C2CD2: variants seen among roughly 807,000 people sequenced by gnomAD.
C2CD2 encodes the protein C2 domain-containing protein 2.
A neutral mutation model predicts 74.3 loss-of-function variants in C2CD2; 43 were observed. That is an observed-to-expected ratio of 0.58 (90% CI 0.45 to 0.75). The LOEUF is 0.75. Ranked by LOEUF, C2CD2 falls within the 30% of genes least tolerant of loss-of-function variation. The probability of loss-of-function intolerance (pLI) is 0.00; values close to 1 mark genes in which losing one functional copy is unlikely to be tolerated. For missense variants in C2CD2, 801 were observed against 916.3 expected (o/e 0.87, Z 1.63); for synonymous variants, 422 against 390.7 (o/e 1.08, Z -0.94).
chr21:41,953,281 G>A, intron 1 of C2CD2, 89 bp downstream of exon 1: 2 of 852,740 alleles, frequency 2.3e-6, no homozygotes, highest in Non-Finnish European at 1.7e-6. Context: ...CTGGGTCAGG[G>A]GCTGCAGCGA....
rs2065241178 is a variant in C2CD2, at chr21:41,929,036, G to A, written c.379-6951C>T. 6.6e-6 allele frequency among the ~76,000 whole-genome samples: 1 copy of A among 151,382 alleles called. No individual in the cohort carries two copies. The highest frequency in any genetic ancestry group is 1.5e-5 in the Non-Finnish European group (1 of 67,944). Reference sequence around the variant, plus strand: ...AGGCCAAGGCAAGAGGATCACTTGAGTCCATGAGTTTAAAATGAGCCTGGG... The same window carrying A: ...AGGCCAAGGCAAGAGGATCACTTGAATCCATGAGTTTAAAATGAGCCTGGG... On this transcript the variant is annotated intron_variant, in intron 2 of 13. Transcript: ENST00000380486. The surrounding 1 kb of genome is among the most constrained non-coding windows in gnomAD (Gnocchi z 4.6).
In C2CD2 at chr21:41,889,050, A is replaced by T. The variant is rs1482842135; in HGVS notation, c.*74T>A. 19 of 1,087,168 alleles carry T rather than the reference A, an allele frequency of 1.7e-5. No homozygotes were observed. Among genetic ancestry groups the T allele is most frequent in the Non-Finnish European group, 2.7e-5 (19 of 711,834 alleles). The allele number at this position is 1,087,168 out of a possible 1,614,324, so 67.3% of individuals were successfully genotyped here. Reference sequence around the variant, plus strand: ...CGGGGCATCTGGACATCCGGCGGACACACTGGCTGCGTCCTGGTGAGGGTA... The same window carrying T: ...CGGGGCATCTGGACATCCGGCGGACTCACTGGCTGCGTCCTGGTGAGGGTA... On this transcript the variant is annotated 3_prime_UTR_variant, in exon 14 of 14. Transcript: ENST00000380486.
intron 2 of C2CD2, among the ~76,000 whole-genome samples, chr21:41,928,212 C>G (rs1441538320): frequency 6.6e-6 from 1 of 152,238 alleles, no homozygotes; most frequent in East Asian, 1.9e-4. Flanking sequence ...CCTCCTACGC[C>G]CCATGCTCTG....
intron 13 of C2CD2, among the ~76,000 whole-genome samples, chr21:41,893,900 C>T (rs1376502343): frequency 6.6e-6 from 1 of 152,084 alleles, no homozygotes; most frequent in Non-Finnish European, 1.5e-5. Flanking sequence ...AGGGTTTCAC[C>T]ATATTGGTCA....
rs2065187929 is a variant in C2CD2 at position 41,924,464 on chromosome 21, A to C, written c.379-2379T>G. Among the ~76,000 whole-genome samples the C allele has an allele frequency of 2.0e-5, 3 of 152,262 alleles. 1 individual carries two copies. Among genetic ancestry groups the C allele is most frequent in the South Asian group, 4.1e-4 (2 of 4,834 alleles). On this transcript the variant is annotated intron_variant, in intron 2 of 13. Transcript: ENST00000380486. The surrounding 1 kb of genome is among the most constrained non-coding windows in gnomAD (Gnocchi z 4.4). ...AACGCCACGTTCAGAAGACTGATAC[A>C]CATGAGTTAATTACATATTTCCATC...
At position 41,909,440 on chromosome 21, in the gene C2CD2, GTCC is replaced by G. The variant is rs1270980458; in HGVS notation, c.1018+16_1018+18del. ...GACCTTTCCAGAGGGCGAGGCCTCT[GTCC>G]TCCTGCTCAACCCACCTTCTGAGGA... is the stretch of plus-strand genomic sequence containing the variant. On this transcript the variant is annotated intron_variant, in intron 8 of 13. Coordinates refer to ENST00000380486, the MANE Select transcript of C2CD2 (RefSeq NM_015500.2). 2 of 1,594,402 alleles carry G rather than the reference GTCC, an allele frequency of 1.3e-6. No homozygotes were observed. The highest frequency in any genetic ancestry group is 1.1e-5 in the South Asian group (1 of 90,684).
Position 41,885,520 on chromosome 21 carries a change from T to C in C2CD2, c.*3604A>G. 6.5e-6 allele frequency: 1 copy of C among 152,784 alleles called. No individual in the cohort carries two copies. Among genetic ancestry groups the C allele is most frequent in the Non-Finnish European group, 1.5e-5 (1 of 68,074 alleles). 9.5% of individuals were successfully genotyped at this position (152,784 alleles called of 1,614,324 possible). ...TGCTCTGCAGGATTCCGCGGGGGCC[T>C]TGCCCTGTGCAGGCTGCTTTGGTCT... On this transcript the variant is annotated 3_prime_UTR_variant, in exon 14 of 14. Coordinates refer to ENST00000380486, the MANE Select transcript of C2CD2 (RefSeq NM_015500.2).
At chr21:41,905,702 G>C (rs1023595411) in intron 11 of C2CD2, 22 bp downstream of exon 11, 2 of 1,261,568 alleles carry the variant, frequency 1.6e-6, no homozygotes, top group African/African-American at 2.9e-5. Context: ...GAGGGAGAGC[G>C]ACGTGGGCGT....
intron 1 of C2CD2, chr21:41,943,093 C>T: frequency 5.1e-6 from 1 of 197,082 alleles, no homozygotes; most frequent in Non-Finnish European, 9.2e-6. Flanking sequence ...TCAAGGCCAG[C>T]AGTTCGAGAC....
At chr21:41,950,495 G>A (rs1010849671) in intron 1 of C2CD2, among the ~76,000 whole-genome samples, 2 of 152,258 alleles carry the variant, frequency 1.3e-5, no homozygotes, top group African/African-American at 4.8e-5. Context: ...CAGAGAGCAG[G>A]AGGACTCCTC....
intron 11 of C2CD2, among the ~76,000 whole-genome samples, chr21:41,902,825 C>T (rs1452378142): frequency 2.6e-5 from 4 of 152,140 alleles, no homozygotes; most frequent in Non-Finnish European, 1.5e-5. Flanking sequence ...TCCAGAGCCA[C>T]GGAGCTGGGG....
At chr21:41,890,688 C>T (rs2839405) in intron 13 of C2CD2, among the ~76,000 whole-genome samples, 49,138 of 152,122 alleles carry the variant, frequency 0.32, 9,157 homozygotes, top group Non-Finnish European at 0.42. Context: ...TCAATAGCCA[C>T]GACATATGCA....
chr21:41,900,549 C>T (rs2064882469), intron 12 of C2CD2, among the ~76,000 whole-genome samples: 1 of 152,168 alleles, frequency 6.6e-6, no homozygotes. Flanking sequence ...CTCAGGAAGC[C>T]CCCAAAACAC....
At chr21:41,934,856 G>A (rs1384961383) in intron 2 of C2CD2, among the ~76,000 whole-genome samples, 4 of 124,086 alleles carry the variant, frequency 3.2e-5, no homozygotes, top group East Asian at 4.1e-4. Context: ...GCCTTGCCTC[G>A]TTTTTTTTTT....
chr21:41,932,563 A>C (rs1016671954), intron 2 of C2CD2, among the ~76,000 whole-genome samples: 9 of 150,496 alleles, frequency 6.0e-5, no homozygotes, highest in Non-Finnish European at 1.3e-4. Flanking sequence ...GTAATGTCAG[A>C]ATGGAGTTGA....
At chr21:41,921,146 C>T (rs1035943433) in intron 3 of C2CD2, among the ~76,000 whole-genome samples, 1 of 152,216 alleles carries the variant, frequency 6.6e-6, no homozygotes, top group South Asian at 2.1e-4. Context: ...GAAAAGCATA[C>T]AGGATGTCAC....
intron 1 of C2CD2, among the ~76,000 whole-genome samples, chr21:41,952,135 G>C (rs2065455188): frequency 1.3e-5 from 2 of 152,218 alleles, no homozygotes; most frequent in African/African-American, 2.4e-5. Flanking sequence ...TCCAGCTCTG[G>C]ACAGCTGAGG....
In C2CD2 at chr21:41,914,815, C is replaced by T; in HGVS notation, c.721-94G>A. On this transcript the variant is annotated intron_variant, in intron 5 of 13. Transcript: ENST00000380486. ...GGACTCCTGTTATGGGGGGTGGTGG[C>T]AGTGGGGTGTCTACAGGAAAACCTG... The T allele has an allele frequency of 6.4e-6, 7 of 1,100,910 alleles. No individual in the cohort carries two copies. The Admixed American group carries it at 1.3e-4, about 20-fold the overall frequency. 68.2% of individuals were successfully genotyped at this position (1,100,910 alleles called of 1,614,324 possible).
At chr21:41,919,967 A>C (rs759070119) in intron 3 of C2CD2, among the ~76,000 whole-genome samples, 1 of 152,198 alleles carries the variant, frequency 6.6e-6, no homozygotes, top group Admixed American at 6.5e-5. Context: ...AAGAGGGGCC[A>C]GGGCATGTGA....
Sources: gnomAD v4.1 joint callset for allele counts (sites outside exome capture counted in the v4.1 genomes callset) on GRCh38, gnomAD v4.1.1 for gene constraint, Gnocchi (gnomAD v3.1) non-coding constraint, MANE v1.5 for transcripts, NCBI Gene and HGNC (gene_info 2026-07-23, HGNC 2026-07-21) for gene names.